The following TCF12 variants were observed in gnomAD, a reference collection of about 807,000 sequenced individuals.
The protein encoded by TCF12 is DNA-binding protein HTF4.
In TCF12, 45 loss-of-function variants were observed where a neutral mutation model predicts 86.0. That is an observed-to-expected ratio of 0.52 (90% CI 0.41 to 0.67). The LOEUF (loss-of-function observed/expected upper bound fraction) is 0.67, where lower values mean the gene tolerates loss of function less well. TCF12 is among the 30% of genes least tolerant of loss of function. The pLI is 0.00. For synonymous variants in TCF12, 330 were observed against 299.6 expected (o/e 1.10, Z -1.05); for missense variants, 881 against 859.9 (o/e 1.02, Z -0.31).
At chr15:57,045,825 C>T (rs530692140) in intron 3 of TCF12, among the ~76,000 whole-genome samples, 10 of 151,664 alleles carry the variant, frequency 6.6e-5, no homozygotes, top group Non-Finnish European at 1.3e-4. Flanking sequence ...GGATTACAGA[C>T]CTGAGCCACT....
chr15:57,024,919 G>A (rs1003779225), intron 3 of TCF12, among the ~76,000 whole-genome samples: 1 of 152,060 alleles, frequency 6.6e-6, no homozygotes, highest in African/African-American at 2.4e-5. Flanking sequence ...TAAAATGTTG[G>A]GTTATGTTTT....
At chr15:57,065,567 A>G (rs770087863) in intron 4 of TCF12, among the ~76,000 whole-genome samples, 31 of 152,090 alleles carry the variant, frequency 2.0e-4, no homozygotes, top group Middle Eastern at 6.3e-3. Context: ...CTTAGAATGC[A>G]TTAAATGGTG....
At chr15:57,254,829 G>C (rs373252856) in intron 16 of TCF12, among the ~76,000 whole-genome samples, 1 of 112,058 alleles carries the variant, frequency 8.9e-6, no homozygotes, top group Non-Finnish European at 1.9e-5. Flanking sequence ...CTGCACTCCA[G>C]CCTAGGCCAT....
intron 19 of TCF12, among the ~76,000 whole-genome samples, 193 bp downstream of exon 19, chr15:57,273,455 G>A (rs1283489845): frequency 2.0e-5 from 3 of 151,822 alleles, no homozygotes; most frequent in Non-Finnish European, 4.4e-5. Context: ...TGGGCTGAGT[G>A]TTCTCCACCA....
At chr15:56,975,133 A>T (rs1472333645) in intron 3 of TCF12, among the ~76,000 whole-genome samples, 1 of 152,166 alleles carries the variant, frequency 6.6e-6, no homozygotes, top group East Asian at 1.9e-4. Flanking sequence ...GCTTATGTAC[A>T]AAGGGCAACA....
chr15:57,024,827 C>A (rs1463431016), intron 3 of TCF12, among the ~76,000 whole-genome samples: 4 of 152,120 alleles, frequency 2.6e-5, no homozygotes, highest in African/African-American at 9.7e-5. Flanking sequence ...AAGCTCACTT[C>A]CCTTTGGGAT....
intron 7 of TCF12, 142 bp from the exon 8 acceptor site, chr15:57,197,631 C>A: frequency 1.4e-6 from 1 of 738,516 alleles, no homozygotes; most frequent in Non-Finnish European, 2.2e-6. Flanking sequence ...AGGAATGAAG[C>A]CCTCATTACT....
chr15:57,252,563 C>CT, intron 15 of TCF12, 71 bp downstream of exon 15: 10 of 1,336,250 alleles, frequency 7.5e-6, no homozygotes, highest in Non-Finnish European at 1.1e-5. Context: ...CATTTAAAAT[C>CT]TTTAAGCTGT....
At chr15:57,080,692 A>G (rs1596441911) in intron 4 of TCF12, among the ~76,000 whole-genome samples, 2 of 152,104 alleles carry the variant, frequency 1.3e-5, no homozygotes, top group African/African-American at 2.4e-5. Flanking sequence ...CTTTTTTGCA[A>G]TTGTCAGTGC....
At chr15:57,008,711 C>T (rs1303014076) in intron 3 of TCF12, among the ~76,000 whole-genome samples, 3 of 152,158 alleles carry the variant, frequency 2.0e-5, no homozygotes, top group African/African-American at 7.2e-5. Context: ...CAGTCATTTC[C>T]ATTCAAACAT....
intron 3 of TCF12, among the ~76,000 whole-genome samples, chr15:56,991,625 G>A (rs1476083993): frequency 6.6e-6 from 1 of 152,158 alleles, no homozygotes; most frequent in Non-Finnish European, 1.5e-5. Context: ...CTGCTTGAAT[G>A]AAGATGGTCT....
intron 20 of TCF12, among the ~76,000 whole-genome samples, chr15:57,282,949 T>C (rs2061762037): frequency 6.6e-6 from 1 of 152,252 alleles, no homozygotes; most frequent in Non-Finnish European, 1.5e-5. Flanking sequence ...ATGTTCTTCA[T>C]TTCTTTATTC....
At position 57,253,187 on chromosome 15, in the gene TCF12, A is replaced by G. The variant is rs868260563; in HGVS notation, c.1261-75A>G. ...ACTTGCTATCTTCCACATATCACATAGTAGGAAACGTAGCAGTTAATGAAT... is the reference window on the plus strand; with the variant it reads ...ACTTGCTATCTTCCACATATCACATGGTAGGAAACGTAGCAGTTAATGAAT... On this transcript the variant is annotated intron_variant, in intron 15 of 20. Coordinates refer to ENST00000333725, the MANE Select transcript of TCF12 (RefSeq NM_207037.2). 2.5e-5 allele frequency: 38 copies of G among 1,507,630 alleles called. No homozygotes were observed. The African/African-American group carries it at 4.7e-4, about 19-fold the overall frequency. The allele number at this position is 1,507,630 out of a possible 1,614,324, so 93.4% of individuals were successfully genotyped here.
intron 5 of TCF12, among the ~76,000 whole-genome samples, chr15:57,123,110 C>G (rs1300218619): frequency 2.6e-5 from 4 of 152,150 alleles, no homozygotes; most frequent in Non-Finnish European, 5.9e-5. Context: ...AACTTCCTGC[C>G]TTTATGTGTG....
Position 57,115,163 on chromosome 15 carries a change from C to G in TCF12, c.325+23272C>G, listed in dbSNP as rs562432302. Among the ~76,000 whole-genome samples, 9 of 152,242 alleles carry G rather than the reference C, an allele frequency of 5.9e-5. No homozygotes were observed. The South Asian group carries it at 1.5e-3, about 25-fold the overall frequency. Reference sequence around the variant, plus strand: ...TCATAGGATAGATAATGGTTATCCACCCTTTAACTGGAAGAATTAAAGATC... The same window carrying G: ...TCATAGGATAGATAATGGTTATCCAGCCTTTAACTGGAAGAATTAAAGATC... On this transcript the variant is annotated intron_variant, in intron 5 of 20. Transcript: ENST00000333725.
intron 8 of TCF12, among the ~76,000 whole-genome samples, chr15:57,203,096 A>G (rs936335891): frequency 2.0e-4 from 31 of 152,240 alleles, no homozygotes; most frequent in Admixed American, 3.9e-4. Flanking sequence ...CCTGGCACCT[A>G]ATGACTGCAT....
At chr15:56,959,840 A>G (rs1271335426) in intron 3 of TCF12, among the ~76,000 whole-genome samples, 1 of 152,088 alleles carries the variant, frequency 6.6e-6, no homozygotes, top group Non-Finnish European at 1.5e-5. Flanking sequence ...CAAGCAAAAC[A>G]CTCCTTATAT....
intron 3 of TCF12, among the ~76,000 whole-genome samples, chr15:56,970,495 A>C (rs1046099197): frequency 1.3e-4 from 20 of 151,370 alleles, no homozygotes; most frequent in Admixed American, 1.3e-4. Flanking sequence ...AAAAAAAAAA[A>C]AAAAAAACAA....
intron 12 of TCF12, among the ~76,000 whole-genome samples, chr15:57,234,931 C>T (rs925245920): frequency 6.6e-6 from 1 of 152,162 alleles, no homozygotes; most frequent in African/African-American, 2.4e-5. Flanking sequence ...GTGCAATTAA[C>T]TGTCAGATAC....
Sources: gnomAD v4.1 joint callset for allele counts (sites outside exome capture counted in the v4.1 genomes callset) on GRCh38, gnomAD v4.1.1 for gene constraint, MANE v1.5 for transcripts, NCBI Gene and HGNC (gene_info 2026-07-23, HGNC 2026-07-21) for gene names.